Variants in SMPD4 observed in about 807,000 individuals in gnomAD.
The protein encoded by SMPD4 is sphingomyelin phosphodiesterase 4, also known as neutral sphingomyelinase 3.
Under a neutral mutation model 97.8 loss-of-function variants are expected in SMPD4, and 58 were observed. The ratio of observed to expected loss-of-function variants is 0.59; its 90% CI spans 0.48 to 0.74. The LOEUF (loss-of-function observed/expected upper bound fraction) is 0.74. Ranked by LOEUF, SMPD4 falls within the 30% of genes least tolerant of loss-of-function variation. The pLI is 0.00. For missense variants in SMPD4, 853 were observed against 1,080.5 expected (o/e 0.79, Z 2.95); for synonymous variants, 388 against 450.0 (o/e 0.86, Z 1.74).
At chr2:130,161,408 A>G in intron 10 of SMPD4, 136 bp from the exon 11 acceptor site, 3 of 696,126 alleles carry the variant, frequency 4.3e-6, no homozygotes, top group Non-Finnish European at 7.7e-6. Flanking sequence ...GAACGAGCCC[A>G]GGAGTGAGGA....
At chr2:130,173,453 T>G (rs866376138) in intron 4 of SMPD4, 61 bp downstream of exon 4, 1 of 1,590,018 alleles carries the variant, frequency 6.3e-7, no homozygotes, top group Middle Eastern at 1.7e-4. Flanking sequence ...CAGAGAGTGC[T>G]TTAAAGGTGG....
intron 8 of SMPD4, among the ~76,000 whole-genome samples, chr2:130,168,732 T>C (rs1484756715): frequency 6.6e-6 from 1 of 151,404 alleles, no homozygotes; most frequent in Non-Finnish European, 1.5e-5. Context: ...TTTTTTTTTT[T>C]TTTGGTTGAG....
intron 13 of SMPD4, 184 bp downstream of exon 13, chr2:130,156,401 C>T: frequency 1.4e-6 from 1 of 699,202 alleles, no homozygotes; most frequent in South Asian, 1.9e-5. Context: ...TGGGACAGGG[C>T]AGGGCTTTCC....
chr2:130,155,893 G>A, intron 14 of SMPD4, 142 bp downstream of exon 14: 2 of 729,620 alleles, frequency 2.7e-6, no homozygotes, highest in Non-Finnish European at 4.6e-6. Context: ...CGCTCGGCAG[G>A]GGCTGGGAGA....
In SMPD4 at chr2:130,170,458, C is replaced by CAAA. The variant is rs556058599; in HGVS notation, c.659+1888_659+1890dup. Reference sequence around the variant, plus strand: ...CCTGGGCAACAGAGTAAGACCCTGTCAAAAAAAAAAAAAAAAGCACACAAT... The same window carrying CAAA: ...CCTGGGCAACAGAGTAAGACCCTGTCAAAAAAAAAAAAAAAAAAAGCACACAAT... On this transcript the variant is annotated intron_variant, in intron 8 of 19. Coordinates refer to ENST00000680298, the MANE Select transcript of SMPD4 (RefSeq NM_017951.5). 5.1e-4 allele frequency among the ~76,000 whole-genome samples: 33 copies of CAAA among 64,674 alleles called. 3 individuals are homozygous for CAAA. The highest frequency in any genetic ancestry group is 4.9e-4 in the East Asian group (1 of 2,056). The allele number at this position is 64,674 out of a possible 152,430, so 42.4% of individuals were successfully genotyped here. A position where few individuals can be genotyped will look rare whatever the true frequency, so the allele number is the denominator to read the frequency against.
At chr2:130,157,184 T>A in intron 12 of SMPD4, 67 bp downstream of exon 12, 1 of 1,547,124 alleles carries the variant, frequency 6.5e-7, no homozygotes, top group East Asian at 2.4e-5. Flanking sequence ...GAGGTCGCTG[T>A]GGGCGACACC....
chr2:130,163,669 G>A (rs1392665290), intron 10 of SMPD4, among the ~76,000 whole-genome samples: 9 of 152,276 alleles, frequency 5.9e-5, no homozygotes, highest in African/African-American at 2.2e-4. Context: ...GCTCCATGGA[G>A]ATGACTGACT....
At chr2:130,181,508 GC>G (rs1267577153) in intron 1 of SMPD4, 21 bp downstream of exon 1, 1 of 1,593,278 alleles carries the variant, frequency 6.3e-7, no homozygotes, top group Non-Finnish European at 8.5e-7. Flanking sequence ...ACCGTCTCAG[GC>G]GCGCATCCCG....
intron 11 of SMPD4, 70 bp downstream of exon 11, chr2:130,161,116 G>A (rs1213638120): frequency 2.2e-5 from 32 of 1,485,888 alleles, no homozygotes; most frequent in African/African-American, 2.8e-5. Flanking sequence ...GGCCGGCCCC[G>A]GCGGCCCCTT....
intron 10 of SMPD4, 97 bp downstream of exon 10, chr2:130,164,277 C>T: frequency 9.5e-7 from 1 of 1,053,400 alleles, no homozygotes; most frequent in Non-Finnish European, 1.5e-6. Context: ...CTGCTTCCCA[C>T]CATCCAGCCT....
chr2:130,177,868 G>A (rs146164796), intron 1 of SMPD4, among the ~76,000 whole-genome samples: 219 of 152,222 alleles, frequency 1.4e-3, no homozygotes, highest in Admixed American at 3.1e-3. Flanking sequence ...TCAGTGGTAG[G>A]CAGAATTCTA....
Position 130,157,140 on chromosome 2 carries a change from G to C in SMPD4, c.1097+111C>G. On this transcript the variant is annotated intron_variant, in intron 12 of 19. Transcript: ENST00000680298. ...CTCACGTGCTCTGTGAACAGAAAGG[G>C]ACTCCCCTCACCCTGCCCTCCATGC... 8 of 1,277,656 alleles carry C rather than the reference G, an allele frequency of 6.3e-6. No individual in the cohort carries two copies. The South Asian group carries it at 1.0e-4, about 17-fold the overall frequency. 79.1% of individuals were successfully genotyped at this position (1,277,656 alleles called of 1,614,324 possible).
At chr2:130,162,333 A>G (rs1687510600) in intron 10 of SMPD4, among the ~76,000 whole-genome samples, 1 of 152,236 alleles carries the variant, frequency 6.6e-6, no homozygotes, top group Admixed American at 6.5e-5. Flanking sequence ...CCCCGCCAGC[A>G]GCATGCCTCC....
At chr2:130,162,686 G>A (rs1558750302) in intron 10 of SMPD4, among the ~76,000 whole-genome samples, 1 of 152,240 alleles carries the variant, frequency 6.6e-6, no homozygotes, top group Non-Finnish European at 1.5e-5. Flanking sequence ...TAGTGGGGAC[G>A]GGCAGGGATT....
chr2:130,153,539 G>A, intron 17 of SMPD4, 89 bp from the exon 18 acceptor site: 1 of 1,589,036 alleles, frequency 6.3e-7, no homozygotes, highest in Non-Finnish European at 8.6e-7. Context: ...GTGGCAACAA[G>A]GGGACCCAGC....
At chr2:130,177,269 T>C (rs1415974511) in intron 1 of SMPD4, among the ~76,000 whole-genome samples, 1 of 152,180 alleles carries the variant, frequency 6.6e-6, no homozygotes, top group African/African-American at 2.4e-5. Context: ...TTTGTAAAGA[T>C]GGGGGTTTCA....
chr2:130,162,324 C>A (rs1295295482), intron 10 of SMPD4, among the ~76,000 whole-genome samples: 1 of 152,226 alleles, frequency 6.6e-6, no homozygotes, highest in Non-Finnish European at 1.5e-5. Context: ...CACATCCTGC[C>A]CCGCCAGCAG....
At chr2:130,178,305 T>A (rs1458597502) in intron 1 of SMPD4, among the ~76,000 whole-genome samples, 1 of 152,128 alleles carries the variant, frequency 6.6e-6, no homozygotes, top group Non-Finnish European at 1.5e-5. Flanking sequence ...GTACAGATGA[T>A]GAAGGAGAGG....
rs973968759 is a variant in SMPD4 at position 130,160,612 on chromosome 2, G to A, written c.951+574C>T. 7.9e-5 allele frequency among the ~76,000 whole-genome samples: 12 copies of A among 152,302 alleles called. No homozygotes were observed. In the East Asian group the frequency reaches 1.4e-3, roughly 17 times the overall value. ...GGCCAGGGCTCCCCAGGTGAAGGCCGGGTCCTGGCTGGGCTGTCAAGGACT... is the reference window on the plus strand; with the variant it reads ...GGCCAGGGCTCCCCAGGTGAAGGCCAGGTCCTGGCTGGGCTGTCAAGGACT... On this transcript the variant is annotated intron_variant, in intron 11 of 19. Transcript: ENST00000680298.
Sources: allele counts gnomAD v4.1 joint callset (sites outside exome capture counted in the v4.1 genomes callset), GRCh38; gene constraint gnomAD v4.1.1; transcripts MANE v1.5; gene names NCBI Gene and HGNC (gene_info 2026-07-23, HGNC 2026-07-21).